TEAD2: variants seen among roughly 807,000 people sequenced by gnomAD.
TEAD2 encodes TEA domain transcription factor 2.
In TEAD2, 51 loss-of-function variants were observed where a neutral mutation model predicts 61.4. That is an observed-to-expected ratio of 0.83 (90% CI 0.66 to 1.05). The LOEUF is 1.05. Among genes scored for constraint, TEAD2 ranks in the 50% least tolerant of loss-of-function variants. The pLI is 0.00. For missense variants in TEAD2, 509 were observed against 600.0 expected (o/e 0.85, Z 1.58); for synonymous variants, 244 against 243.2 (o/e 1.00, Z -0.03).
chr19:49,359,568 G>C lies in TEAD2; in HGVS notation c.233-69C>G, dbSNP rs941234290. Reference sequence around the variant, plus strand: ...GAACTTCCCCACAGCATGGACACCAGGGAAGAAGAAAGCAGCATGGGTCCC... The same window carrying C: ...GAACTTCCCCACAGCATGGACACCACGGAAGAAGAAAGCAGCATGGGTCCC... On this transcript the variant is annotated intron_variant, in intron 2 of 12. Coordinates refer to ENST00000593945, the MANE Select transcript of TEAD2 (RefSeq NM_001256660.2). This position sits in a 1 kb window ranked among gnomAD's most constrained non-coding sequence, Gnocchi z 4.1. The C allele has an allele frequency of 9.0e-6, 14 of 1,562,526 alleles. No homozygotes were observed. The highest frequency in any genetic ancestry group is 1.1e-5 in the Non-Finnish European group (12 of 1,134,156).
intron 4 of TEAD2, among the ~76,000 whole-genome samples, chr19:49,356,512 T>C: frequency 6.7e-6 from 1 of 150,362 alleles, no homozygotes; most frequent in East Asian, 2.0e-4. Context: ...ATCCAAAGGA[T>C]GAGGAGAAGG....
rs1490687144 is a variant in TEAD2 at position 49,362,395 on chromosome 19, C to G, written c.-69G>C. ...TACCTCCCGGCCTGGGGCTGGGGAG[C>G]CGCGGGCGGGCGGGGCGCTGCGAGG... On this transcript the variant is annotated 5_prime_UTR_variant, in exon 1 of 13. Coordinates refer to ENST00000593945, the MANE Select transcript of TEAD2 (RefSeq NM_001256660.2). The G allele has an allele frequency of 6.6e-6, 1 of 152,168 alleles. No individual in the cohort carries two copies. The highest frequency in any genetic ancestry group is 6.6e-5 in the Admixed American group (1 of 15,266). The allele number at this position is 152,168 out of a possible 1,614,324, so 9.4% of individuals were successfully genotyped here.
intron 10 of TEAD2, among the ~76,000 whole-genome samples, chr19:49,346,572 G>A (rs1461863297): frequency 2.0e-5 from 3 of 152,226 alleles, no homozygotes; most frequent in South Asian, 2.1e-4. Context: ...CAGGAGAATC[G>A]CTTGAATCCA....
intron 8 of TEAD2, 147 bp downstream of exon 8, chr19:49,351,154 G>C: frequency 1.4e-6 from 1 of 736,440 alleles, no homozygotes; most frequent in Middle Eastern, 3.6e-4. Flanking sequence ...ACTCCAGCCT[G>C]GCGACAGAGG....
intron 4 of TEAD2, among the ~76,000 whole-genome samples, chr19:49,356,996 C>T (rs528301234): frequency 3.2e-4 from 49 of 151,526 alleles, no homozygotes; most frequent in Admixed American, 8.6e-4. Flanking sequence ...GTCTATGGGT[C>T]TCTGTCCCTC....
rs574275307 is a variant in TEAD2 at position 49,359,678 on chromosome 19, C to T, written c.232+166G>A. Among the ~76,000 whole-genome samples the T allele has an allele frequency of 2.0e-5, 3 of 152,170 alleles. No individual in the cohort carries two copies. The highest frequency in any genetic ancestry group is 2.9e-5 in the Non-Finnish European group (2 of 68,036). On this transcript the variant is annotated intron_variant, in intron 2 of 12. Transcript: ENST00000593945. The surrounding 1 kb of genome is among the most constrained non-coding windows in gnomAD (Gnocchi z 4.1). ...GGGTTCAAATCCCAGCTCCATCACG[C>T]ACTGGCTCTGTGCGACCATAAGCAA...
chr19:49,341,176 TGGG>T lies in TEAD2; in HGVS notation c.*145_*147del, dbSNP rs1300201856. 4.4e-6 allele frequency: 3 copies of T among 678,128 alleles called. No individual in the cohort carries two copies. Among genetic ancestry groups the T allele is most frequent in the South Asian group, 1.8e-5 (1 of 54,268 alleles). The allele number at this position is 678,128 out of a possible 1,614,324, so 42.0% of individuals were successfully genotyped here. On this transcript the variant is annotated 3_prime_UTR_variant, in exon 13 of 13. Transcript: ENST00000593945. The surrounding 1 kb of genome is among the most constrained non-coding windows in gnomAD (Gnocchi z 4.2). ...AACCAAGTTTTGGGGGCCCCTCTAATGGGGGGGATGGCCCCAGTTGCTTAGGCC... is the reference window on the plus strand; with the variant it reads ...AACCAAGTTTTGGGGGCCCCTCTAATGGGGATGGCCCCAGTTGCTTAGGCC...
At position 49,359,692 on chromosome 19, in the gene TEAD2, G is replaced by T. The variant is rs1000498711; in HGVS notation, c.232+152C>A. 2 of 1,029,492 alleles carry T rather than the reference G, an allele frequency of 1.9e-6. No homozygotes were observed. The highest frequency in any genetic ancestry group is 2.4e-4 in the Middle Eastern group (1 of 4,092). 63.8% of individuals were successfully genotyped at this position (1,029,492 alleles called of 1,614,324 possible). A position where few individuals can be genotyped will look rare whatever the true frequency, so the allele number is the denominator to read the frequency against. On this transcript the variant is annotated intron_variant, in intron 2 of 12. Coordinates refer to ENST00000593945, the MANE Select transcript of TEAD2 (RefSeq NM_001256660.2). This position sits in a 1 kb window ranked among gnomAD's most constrained non-coding sequence, Gnocchi z 4.1. ...GCTCCATCACGCACTGGCTCTGTGC[G>T]ACCATAAGCAAATCACTTAACCTAG...
chr19:49,348,901 G>A, intron 8 of TEAD2, 56 bp from the exon 9 acceptor site: 1 of 1,437,386 alleles, frequency 7.0e-7, no homozygotes, highest in South Asian at 1.5e-5. Flanking sequence ...GAATATATCA[G>A]GTACTGTTGT....
rs774036088 is a variant in TEAD2, at chr19:49,341,365, G to A, written c.1315C>T (p.Arg439Cys). ...CGGTAAATGTGATGCTGGGCCCCAC[G>A]CTCGCTGGTGGAGACCTCGAAGACA... ...AYVFEVSTSE[R>C]GAQHHIYRLV... is the part of the protein sequence containing the mutation. The change falls in exon 13 of 13, where the codon CGT becomes TGT. Residue 439 changes from arginine (R) to cysteine (C), a missense_variant. Arg to Cys is a radical substitution (Grantham distance 180). Coordinates refer to ENST00000593945, the MANE Select transcript of TEAD2 (RefSeq NM_001256660.2). The surrounding 1 kb of genome is among the most constrained non-coding windows in gnomAD (Gnocchi z 4.2). 3.8e-5 allele frequency: 62 copies of A among 1,614,032 alleles called. No homozygotes were observed. Among genetic ancestry groups the A allele is most frequent in the South Asian group, 8.8e-5 (8 of 91,082 alleles).
chr19:49,349,938 C>G (rs549517763), intron 8 of TEAD2, among the ~76,000 whole-genome samples: 2,645 of 152,300 alleles, frequency 0.017, 73 homozygotes, highest in African/African-American at 0.054. Flanking sequence ...TAAGCCCACA[C>G]GGGAACAGCC....
At chr19:49,342,291 A>T in intron 12 of TEAD2, 147 bp downstream of exon 12, 2 of 1,072,812 alleles carry the variant, frequency 1.9e-6, no homozygotes, top group Non-Finnish European at 1.3e-6. Context: ...TCAGTTTCCT[A>T]GTTAAAAGAG....
chr19:49,342,793 A>G (rs1344047112), intron 11 of TEAD2, among the ~76,000 whole-genome samples: 1 of 151,878 alleles, frequency 6.6e-6, no homozygotes, highest in African/African-American at 2.4e-5. Flanking sequence ...CCTGCAAATC[A>G]CAAGCCCCTC....
intron 11 of TEAD2, 42 bp downstream of exon 11, chr19:49,343,189 A>AC: frequency 6.4e-7 from 1 of 1,567,818 alleles, no homozygotes; most frequent in Non-Finnish European, 8.6e-7. Flanking sequence ...TCCATTCTGC[A>AC]CCCCCAAGTG....
chr19:49,342,344 T>C (rs1166522948), intron 12 of TEAD2, 94 bp downstream of exon 12: 110 of 1,504,732 alleles, frequency 7.3e-5, no homozygotes, highest in Non-Finnish European at 9.9e-5. Context: ...CTGTGTCAGT[T>C]CCTGGGTGAG....
At chr19:49,356,040 T>G in intron 4 of TEAD2, 70 bp from the exon 5 acceptor site, 1 of 1,170,044 alleles carries the variant, frequency 8.5e-7, no homozygotes, top group East Asian at 3.2e-5. Flanking sequence ...CGGCCCGGAC[T>G]CCCCCACCTC....
chr19:49,341,467 T>C lies in TEAD2; in HGVS notation c.1243-30A>G, dbSNP rs374573849. On this transcript the variant is annotated intron_variant, in intron 12 of 12. Transcript: ENST00000593945. This position sits in a 1 kb window ranked among gnomAD's most constrained non-coding sequence, Gnocchi z 4.2. The stretch of plus-strand genomic sequence containing the variant: ...CAGGAAGGCCAGGACAAGGGACTTA[T>C]GCTTAGAAGGGAGGGCAGGGACCCC... The C allele has an allele frequency of 1.3e-6, 2 of 1,592,306 alleles. No homozygotes were observed. The highest frequency in any genetic ancestry group is 2.7e-5 in the African/African-American group (2 of 74,446).
Position 49,341,734 on chromosome 19 carries a change from A to G in TEAD2, c.1243-297T>C, listed in dbSNP as rs142769713. ...AGGGGTCCCCATCATGTCACAAGTA[A>G]AGGGAGAACCCTCCCTGCAGGTTCC... On this transcript the variant is annotated intron_variant, in intron 12 of 12. Transcript: ENST00000593945. The surrounding 1 kb of genome is among the most constrained non-coding windows in gnomAD (Gnocchi z 4.2). Among the ~76,000 whole-genome samples, 58 of 151,968 alleles carry G rather than the reference A, an allele frequency of 3.8e-4. No homozygotes were observed. The highest frequency in any genetic ancestry group is 7.5e-4 in the Non-Finnish European group (51 of 67,944).
At position 49,355,352 on chromosome 19, in the gene TEAD2, G is replaced by T; in HGVS notation, c.440C>A (p.Ala147Glu). 1 of 1,614,220 alleles carries T rather than the reference G, an allele frequency of 6.2e-7. No individual in the cohort carries two copies. The highest frequency in any genetic ancestry group is 8.5e-7 in the Non-Finnish European group (1 of 1,180,046). Reference protein sequence around the residue: ...ATMSSAQLISAPSLQAKLGPT... With the variant: ...ATMSSAQLISEPSLQAKLGPT... ...ACCCAGTTTGGCCTGCAGAGAAGGC[G>T]CGGAGATGAGCTGGGCAGAGGACAT... The change falls in exon 6 of 13, where the codon GCG (alanine) becomes GAG (glutamate). Residue 147 changes from alanine to glutamate, a missense_variant. Coordinates refer to ENST00000593945, the MANE Select transcript of TEAD2 (RefSeq NM_001256660.2).
Sources: gnomAD v4.1 joint callset for allele counts (sites outside exome capture counted in the v4.1 genomes callset) on GRCh38, gnomAD v4.1.1 for gene constraint, Gnocchi (gnomAD v3.1) non-coding constraint, MANE v1.5 for transcripts, NCBI Gene and HGNC (gene_info 2026-07-23, HGNC 2026-07-21) for gene names.